KANSL1L: variants seen among roughly 807,000 people sequenced by gnomAD.
KANSL1L encodes the protein KAT8 regulatory NSL complex subunit 1 like, also known as KAT8 regulatory NSL complex subunit 1-like protein.
A neutral mutation model predicts 108.6 loss-of-function variants in KANSL1L; 25 were observed. The ratio of observed to expected loss-of-function variants is 0.23; its 90% CI spans 0.17 to 0.32. The LOEUF (loss-of-function observed/expected upper bound fraction) is 0.32, where lower values mean the gene tolerates loss of function less well. Among genes scored for constraint, KANSL1L ranks in the 10% least tolerant of loss-of-function variants. The pLI is 1.00. For missense variants in KANSL1L, 1,137 were observed against 1,125.7 expected (o/e 1.01, Z -0.14); for synonymous variants, 405 against 395.1 (o/e 1.03, Z -0.30).
At chr2:210,167,787 C>T (rs1291315915) in intron 1 of KANSL1L, among the ~76,000 whole-genome samples, 1 of 151,730 alleles carries the variant, frequency 6.6e-6, no homozygotes, top group Middle Eastern at 3.2e-3. Context: ...TTCTAAGAAC[C>T]TAAAAATAAC....
chr2:210,127,635 C>T (rs909199281), intron 3 of KANSL1L, among the ~76,000 whole-genome samples: 1 of 151,090 alleles, frequency 6.6e-6, no homozygotes. Context: ...CCCATCTCTA[C>T]AAAAAATCAA....
At position 210,153,630 on chromosome 2, in the gene KANSL1L, G is replaced by A. The variant is rs1355394751; in HGVS notation, c.953C>T (p.Ala318Val). 6.2e-7 allele frequency: 1 copy of A among 1,613,106 alleles called. No homozygotes were observed. Among genetic ancestry groups the A allele is most frequent in the African/African-American group, 1.3e-5 (1 of 74,844 alleles). ...AAATGCAAATCTTTGGATTTCCGCAGCTGTACACCGTGCAAAGCCATTTTT... is the reference window on the plus strand; with the variant it reads ...AAATGCAAATCTTTGGATTTCCGCAACTGTACACCGTGCAAAGCCATTTTT... ...DAKNGFARCT[A>V]AEIQRFAFSA... Residue 318 changes from alanine (A) to valine (V), a missense_variant, in exon 2 of 15, where the codon GCT (alanine) becomes GTT (valine). By Grantham distance (64) the Ala-to-Val change is moderately conservative. Transcript: ENST00000281772.
At chr2:210,031,301 G>C in intron 9 of KANSL1L, 120 bp downstream of exon 9, 1 of 659,784 alleles carries the variant, frequency 1.5e-6, no homozygotes, top group East Asian at 2.9e-5. Flanking sequence ...TAGACTCATA[G>C]ATGTTTTGTG....
At chr2:210,066,498 A>G (rs1287704873) in intron 6 of KANSL1L, among the ~76,000 whole-genome samples, 1 of 152,210 alleles carries the variant, frequency 6.6e-6, no homozygotes, top group African/African-American at 2.4e-5. Flanking sequence ...AGCATAATGA[A>G]TTTTTACATA....
intron 6 of KANSL1L, among the ~76,000 whole-genome samples, chr2:210,047,754 T>A (rs1290968084): frequency 6.6e-6 from 1 of 152,218 alleles, no homozygotes; most frequent in African/African-American, 2.4e-5. Flanking sequence ...CCATGCTTAC[T>A]AATCTTTGAT....
chr2:210,166,599 A>G (rs1437605414), intron 1 of KANSL1L, among the ~76,000 whole-genome samples: 1 of 152,122 alleles, frequency 6.6e-6, no homozygotes, highest in Non-Finnish European at 1.5e-5. Context: ...TATTCCATAT[A>G]TGCCATGGAA....
At chr2:210,056,700 C>G (rs1044943631) in intron 6 of KANSL1L, among the ~76,000 whole-genome samples, 2 of 152,072 alleles carry the variant, frequency 1.3e-5, no homozygotes, top group African/African-American at 4.8e-5. Context: ...AGGCTGCTCT[C>G]GAACTCCTGA....
chr2:210,154,081 G>A lies in KANSL1L; in HGVS notation c.502C>T (p.Leu168=). 1 of 1,613,368 alleles carries A rather than the reference G, an allele frequency of 6.2e-7. No individual in the cohort carries two copies. Among genetic ancestry groups the A allele is most frequent in the Non-Finnish European group, 8.5e-7 (1 of 1,179,522 alleles). ...TCTTGATACCATTTACAGTTTTGTAGTTGTACTTTATCTACATTAGTGTCT... is the reference window on the plus strand; with the variant it reads ...TCTTGATACCATTTACAGTTTTGTAATTGTACTTTATCTACATTAGTGTCT... ...TKDTNVDKVQ[L]QNCKWYQENA... Residue 168 remains leucine (L), a synonymous_variant, in exon 2 of 15, where the codon CTA becomes TTA. Transcript: ENST00000281772.
chr2:210,027,416 G>A, intron 11 of KANSL1L, 66 bp from the exon 12 acceptor site: 2 of 1,033,636 alleles, frequency 1.9e-6, no homozygotes, highest in Non-Finnish European at 1.5e-6. Flanking sequence ...TTTATACTCA[G>A]CACAGCTAAA....
At chr2:210,121,071 G>C (rs4673498) in intron 3 of KANSL1L, among the ~76,000 whole-genome samples, 1 of 152,176 alleles carries the variant, frequency 6.6e-6, no homozygotes, top group Admixed American at 6.5e-5. Flanking sequence ...TTCAGCCATT[G>C]TGGAAGACAG....
intron 4 of KANSL1L, among the ~76,000 whole-genome samples, chr2:210,100,485 A>C (rs1642212281): frequency 1.3e-5 from 2 of 152,336 alleles, no homozygotes; most frequent in Admixed American, 1.3e-4. Flanking sequence ...GTGCCTTTAT[A>C]TTTTAACTTC....
intron 3 of KANSL1L, among the ~76,000 whole-genome samples, chr2:210,110,910 G>A (rs2094897974): frequency 6.6e-6 from 1 of 152,064 alleles, no homozygotes; most frequent in South Asian, 2.1e-4. Flanking sequence ...CCAGGAGCTT[G>A]AGACCAGCCT....
At chr2:210,111,704 T>C (rs953439630) in intron 3 of KANSL1L, among the ~76,000 whole-genome samples, 7 of 152,106 alleles carry the variant, frequency 4.6e-5, no homozygotes, top group Non-Finnish European at 1.0e-4. Flanking sequence ...AGAACATCTT[T>C]TTTTTTCTTT....
intron 3 of KANSL1L, among the ~76,000 whole-genome samples, chr2:210,121,613 G>T (rs1343383812): frequency 6.6e-6 from 1 of 152,098 alleles, no homozygotes; most frequent in Non-Finnish European, 1.5e-5. Flanking sequence ...GTTTACCCAT[G>T]TAACACACCC....
intron 5 of KANSL1L, among the ~76,000 whole-genome samples, chr2:210,080,525 C>T (rs1439562726): frequency 6.6e-6 from 1 of 151,538 alleles, no homozygotes; most frequent in Non-Finnish European, 1.5e-5. Flanking sequence ...ACCTTTTCTA[C>T]AAAAATAAAA....
rs1479759118 is a variant in KANSL1L, at chr2:210,118,022, C to T, written c.1230+11009G>A. On this transcript the variant is annotated intron_variant, in intron 3 of 14. Transcript: ENST00000281772. ...CTACTAAAAATACAAAAAAATTAGC[C>T]GGGTGTGATGGCGCATGCCTGTAAT... 8.6e-5 allele frequency among the ~76,000 whole-genome samples: 13 copies of T among 150,766 alleles called. No homozygotes were observed. In the South Asian group the frequency reaches 1.3e-3, roughly 15 times the overall value.
chr2:210,029,745 A>G (rs1340333560), intron 10 of KANSL1L, 58 bp downstream of exon 10: 5 of 830,772 alleles, frequency 6.0e-6, no homozygotes, highest in Non-Finnish European at 9.8e-6. Context: ...ATTATTTTCA[A>G]AATCAGGTGT....
intron 2 of KANSL1L, among the ~76,000 whole-genome samples, chr2:210,139,569 A>G (rs1271335042): frequency 6.6e-6 from 1 of 152,108 alleles, no homozygotes; most frequent in African/African-American, 2.4e-5. Context: ...AACATTTGTT[A>G]TTCTTTTTCT....
chr2:210,061,165 C>G (rs907225000), intron 6 of KANSL1L, among the ~76,000 whole-genome samples: 1 of 152,224 alleles, frequency 6.6e-6, no homozygotes, highest in Non-Finnish European at 1.5e-5. Context: ...TCTTATAATA[C>G]AATAAGTAGA....
Sources: allele counts gnomAD v4.1 joint callset (sites outside exome capture counted in the v4.1 genomes callset), GRCh38; gene constraint gnomAD v4.1.1; transcripts MANE v1.5; gene names NCBI Gene and HGNC (gene_info 2026-07-23, HGNC 2026-07-21).